CCSER1: variants seen among roughly 807,000 people sequenced by gnomAD.
The protein encoded by CCSER1 is serine-rich coiled-coil domain-containing protein 1.
CCSER1 carries 41 observed loss-of-function variants against 82.0 expected under a neutral mutation model. The ratio of observed to expected loss-of-function variants is 0.50; its 90% CI spans 0.39 to 0.65. The LOEUF (loss-of-function observed/expected upper bound fraction) is 0.65, where lower values mean the gene tolerates loss of function less well. CCSER1 is among the 30% of genes least tolerant of loss of function. CCSER1 has a pLI of 0.00. For synonymous variants in CCSER1, 414 were observed against 383.9 expected, an observed-to-expected ratio of 1.08 and a Z score of -0.92; for missense variants, 1,119 against 1,064.2, an observed-to-expected ratio of 1.05 and a Z score of -0.72.
intron 1 of CCSER1, among the ~76,000 whole-genome samples, chr4:90,150,347 ACAT>A (rs1376469579): frequency 6.6e-6 from 1 of 152,078 alleles, no homozygotes; most frequent in African/African-American, 2.4e-5. Flanking sequence ...TCCCATAGTA[ACAT>A]CAGTCACTGT....
intron 10 of CCSER1, among the ~76,000 whole-genome samples, chr4:91,396,524 C>T (rs1357423517): frequency 2.0e-5 from 3 of 152,016 alleles, no homozygotes; most frequent in African/African-American, 7.2e-5. Flanking sequence ...TTTCAGTAAG[C>T]TGATCAAATT....
intron 9 of CCSER1, among the ~76,000 whole-genome samples, chr4:91,019,451 TTAA>T (rs773291962): frequency 7.9e-5 from 12 of 152,108 alleles, no homozygotes; most frequent in Non-Finnish European, 1.3e-4. Flanking sequence ...TTTTATTAAT[TTAA>T]TAATAAATTT....
At chr4:91,582,972 A>G (rs1763804158) in intron 10 of CCSER1, among the ~76,000 whole-genome samples, 1 of 151,390 alleles carries the variant, frequency 6.6e-6, no homozygotes, top group Admixed American at 6.6e-5. Context: ...AAAGATAGCA[A>G]ACTGAATGCT....
chr4:91,058,088 G>T (rs1259171151), intron 9 of CCSER1, among the ~76,000 whole-genome samples: 2 of 151,940 alleles, frequency 1.3e-5, no homozygotes, highest in Non-Finnish European at 2.9e-5. Context: ...GTGTCATGGG[G>T]GTTTTACAGA....
chr4:90,318,765 C>T (rs1482425686), intron 3 of CCSER1, among the ~76,000 whole-genome samples: 2 of 152,120 alleles, frequency 1.3e-5, no homozygotes, highest in Non-Finnish European at 2.9e-5. Context: ...ATCCTTTATT[C>T]ATTATAATTC....
chr4:90,352,091 G>A (rs760180470), intron 3 of CCSER1, among the ~76,000 whole-genome samples: 40 of 152,166 alleles, frequency 2.6e-4, no homozygotes, highest in African/African-American at 9.2e-4. Flanking sequence ...TTGGGAGGCC[G>A]AGCCGAGCGG....
At chr4:91,039,319 A>G (rs986604416) in intron 9 of CCSER1, among the ~76,000 whole-genome samples, 1 of 151,956 alleles carries the variant, frequency 6.6e-6, no homozygotes, top group Non-Finnish European at 1.5e-5. Context: ...CTGAGATTAT[A>G]GTCATGAGCC....
chr4:90,389,995 G>T (rs1561148958), intron 3 of CCSER1, among the ~76,000 whole-genome samples: 1 of 152,048 alleles, frequency 6.6e-6, no homozygotes, highest in African/African-American at 2.4e-5. Flanking sequence ...GTATTGTAAA[G>T]AAAATCTGTC....
intron 3 of CCSER1, among the ~76,000 whole-genome samples, chr4:90,384,760 G>A (rs1474394441): frequency 6.6e-6 from 1 of 152,052 alleles, no homozygotes. Flanking sequence ...CAATAGATTT[G>A]GGGGTGCAGG....
chr4:91,185,594 G>A (rs1173674181), intron 10 of CCSER1, among the ~76,000 whole-genome samples: 1 of 152,186 alleles, frequency 6.6e-6, no homozygotes, highest in Non-Finnish European at 1.5e-5. Context: ...GAAATGCCCA[G>A]GTTTAGAATG....
intron 10 of CCSER1, among the ~76,000 whole-genome samples, chr4:91,385,181 C>G (rs1409230721): frequency 6.6e-6 from 1 of 151,510 alleles, no homozygotes; most frequent in Non-Finnish European, 1.5e-5. Flanking sequence ...ATGAAAATAT[C>G]CAAACTTAGT....
intron 9 of CCSER1, among the ~76,000 whole-genome samples, chr4:91,024,391 A>T (rs898001877): frequency 6.6e-6 from 1 of 152,126 alleles, no homozygotes; most frequent in Non-Finnish European, 1.5e-5. Context: ...ATTTGTTTGT[A>T]TTGTGTTTAC....
intron 7 of CCSER1, among the ~76,000 whole-genome samples, chr4:90,790,501 T>C (rs1232788808): frequency 6.6e-6 from 1 of 151,896 alleles, no homozygotes; most frequent in Non-Finnish European, 1.5e-5. Flanking sequence ...TACTTGGCTT[T>C]CTTTTATCTT....
chr4:91,411,060 T>G (rs1447261088), intron 10 of CCSER1, among the ~76,000 whole-genome samples: 1 of 151,948 alleles, frequency 6.6e-6, no homozygotes, highest in Non-Finnish European at 1.5e-5. Flanking sequence ...TTATATAATT[T>G]TATGTAATTT....
intron 9 of CCSER1, among the ~76,000 whole-genome samples, chr4:91,024,952 A>G (rs1278720865): frequency 6.6e-6 from 1 of 152,144 alleles, no homozygotes; most frequent in African/African-American, 2.4e-5. Context: ...TTACAATCAT[A>G]TAAAAAAGCT....
intron 9 of CCSER1, among the ~76,000 whole-genome samples, chr4:90,932,422 G>T (rs1729940546): frequency 6.6e-6 from 1 of 152,106 alleles, no homozygotes; most frequent in African/African-American, 2.4e-5. Context: ...AACAGGTTTA[G>T]CATTTTGTTG....
At chr4:90,996,299 A>G (rs559518363) in intron 9 of CCSER1, among the ~76,000 whole-genome samples, 3 of 152,178 alleles carry the variant, frequency 2.0e-5, no homozygotes, top group East Asian at 1.9e-4. Flanking sequence ...ACAAGCTTCT[A>G]TTGAGAATTT....
chr4:90,878,860 G>C (rs1001971451), intron 8 of CCSER1, among the ~76,000 whole-genome samples: 1 of 152,128 alleles, frequency 6.6e-6, no homozygotes, highest in African/African-American at 2.4e-5. Flanking sequence ...AGAATTAAGT[G>C]ACTTAATAAT....
At chr4:90,609,978 C>T (rs978229174) in intron 5 of CCSER1, among the ~76,000 whole-genome samples, 3 of 152,110 alleles carry the variant, frequency 2.0e-5, no homozygotes, top group Non-Finnish European at 4.4e-5. Flanking sequence ...TGAGGCCAGG[C>T]GCGGTGGCTC....
Sources: allele counts gnomAD v4.1 joint callset (sites outside exome capture counted in the v4.1 genomes callset), GRCh38; gene constraint gnomAD v4.1.1; transcripts MANE v1.5; gene names NCBI Gene and HGNC (gene_info 2026-07-23, HGNC 2026-07-21).